The following GMNC variants were observed in gnomAD, a reference collection of about 807,000 sequenced individuals.
GMNC encodes geminin coiled-coil domain containing, also known as geminin coiled-coil domain-containing protein 1.
A neutral mutation model predicts 33.6 loss-of-function variants in GMNC; 16 were observed. The observed-to-expected ratio is 0.48, with a 90% CI of 0.32 to 0.72. The LOEUF (loss-of-function observed/expected upper bound fraction) is 0.72, where lower values mean the gene tolerates loss of function less well. Among genes scored for constraint, GMNC ranks in the 30% least tolerant of loss-of-function variants. The pLI is 0.03. For synonymous variants in GMNC, 156 were observed against 147.3 expected, an observed-to-expected ratio of 1.06 and a Z score of -0.43; for missense variants, 393 against 388.9, an observed-to-expected ratio of 1.01 and a Z score of -0.09.
the GMNC span, among the ~76,000 whole-genome samples, chr3:190,846,958 C>T: frequency 1.3e-5 from 2 of 152,206 alleles, no homozygotes; most frequent in Non-Finnish European, 2.9e-5. Context: ...TGATCTCCCT[C>T]TTCCAATGTG....
Position 190,855,651 on chromosome 3 carries a change from T to C in GMNC, c.649A>G (p.Arg217Gly). 5.2e-6 allele frequency: 8 copies of C among 1,551,596 alleles called. No homozygotes were observed. Among genetic ancestry groups the C allele is most frequent in the Non-Finnish European group, 7.0e-6 (8 of 1,146,904 alleles). The change falls in exon 5 of 5, where the codon AGA becomes GGA. Residue 217 changes from arginine (R) to glycine (G), a missense_variant. By Grantham distance (125) the Arg-to-Gly change is moderately radical. Transcript: ENST00000442080. ...TGGGAAAATGTGCTGGCGACTCTTC[T>C]GGGATGAGATGCGAGGGCACTGTAG... The part of the protein sequence containing the change: ...ANYSALASHP[R>G]RVASTFSQFP...
downstream of GMNC, among the ~76,000 whole-genome samples, chr3:190,849,734 G>A (rs1737605238): frequency 1.3e-5 from 2 of 152,174 alleles, no homozygotes; most frequent in Non-Finnish European, 1.5e-5. Context: ...TCCTGAAAAG[G>A]TATCAATTAA....
At position 190,861,900 on chromosome 3, in the gene GMNC, T is replaced by C. The variant is rs986172832; in HGVS notation, c.3+713A>G. On this transcript the variant is annotated intron_variant, in intron 1 of 4. Transcript: ENST00000442080. This position sits in a 1 kb window ranked among gnomAD's most constrained non-coding sequence, Gnocchi z 5.1. ...AGAGCCCAGCTTTGGAAAAACTCTT[T>C]TTGACTACTACAGGGCTTCTTTGGA... is the stretch of plus-strand genomic sequence containing the variant. 2.0e-5 allele frequency among the ~76,000 whole-genome samples: 3 copies of C among 152,232 alleles called. No homozygotes were observed. Among genetic ancestry groups the C allele is most frequent in the East Asian group, 1.9e-4 (1 of 5,180 alleles).
At chr3:190,844,291 A>G in the GMNC span, among the ~76,000 whole-genome samples, 2,079 of 152,068 alleles carry the variant, frequency 0.014, 34 homozygotes, top group South Asian at 0.048. Context: ...AAAAAATGTC[A>G]TCCCAAATTC....
intron 2 of GMNC, chr3:190,859,787 G>C: frequency 2.2e-6 from 1 of 453,640 alleles, no homozygotes; most frequent in Middle Eastern, 3.3e-4. Flanking sequence ...GTACAGTTTA[G>C]ACTCTTGTCC....
At position 190,862,616 on chromosome 3, in the gene GMNC, C is replaced by A. The variant is rs1165327306; in HGVS notation, c.-1G>T. ...CTAACGCCAGTTCCTCACTTACCAT[C>A]TTGCAGTGGAAGAAAGCGCTGCAGA... On this transcript the variant is annotated 5_prime_UTR_variant, in exon 1 of 5. Transcript: ENST00000442080. This position sits in a 1 kb window ranked among gnomAD's most constrained non-coding sequence, Gnocchi z 4.5. 3.9e-6 allele frequency: 6 copies of A among 1,551,910 alleles called. No homozygotes were observed. The highest frequency in any genetic ancestry group is 5.2e-6 in the Non-Finnish European group (6 of 1,146,860).
Position 190,860,804 on chromosome 3 carries a change from A to C in GMNC, c.58T>G (p.Cys20Gly), listed in dbSNP as rs527883874. 6.3e-5 allele frequency: 98 copies of C among 1,551,540 alleles called. 2 individuals carry two copies. The South Asian group carries it at 1.1e-3, about 18-fold the overall frequency. Residue 20 changes from cysteine (C) to glycine (G), a missense_variant, in exon 2 of 5, where the codon TGC becomes GGC. Cys to Gly is a radical substitution (Grantham distance 159). Transcript: ENST00000442080. The stretch of plus-strand genomic sequence containing the variant: ...TCTGACGTTGTAGTGGAATACGGGC[A>C]ATTATAGCTCTGGCCTCCTACAAAG... ...QYFVGGQSYN[C>G]PYSTTTSESS...
At chr3:190,860,531 C>T (rs1737837143) in intron 2 of GMNC, among the ~76,000 whole-genome samples, 153 bp downstream of exon 2, 1 of 152,168 alleles carries the variant, frequency 6.6e-6, no homozygotes, top group Non-Finnish European at 1.5e-5. Context: ...TGTAAAGCAG[C>T]AGGCTTTATG....
chr3:190,843,766 C>G, the GMNC span, among the ~76,000 whole-genome samples: 1 of 152,152 alleles, frequency 6.6e-6, no homozygotes, highest in African/African-American at 2.4e-5. Flanking sequence ...ATTAAGTGTA[C>G]TTTATTGCAT....
At chr3:190,845,499 T>C in the GMNC span, among the ~76,000 whole-genome samples, 1 of 148,690 alleles carries the variant, frequency 6.7e-6, no homozygotes, top group African/African-American at 2.5e-5. Context: ...TTGCTATTTA[T>C]TTTGAAACCT....
downstream of GMNC, among the ~76,000 whole-genome samples, chr3:190,849,689 G>T (rs1737604461): frequency 6.6e-6 from 1 of 152,126 alleles, no homozygotes; most frequent in African/African-American, 2.4e-5. Context: ...ACTTGGTGTA[G>T]AAATAAGAAG....
At chr3:190,847,405 C>T in the GMNC span, among the ~76,000 whole-genome samples, 1 of 152,208 alleles carries the variant, frequency 6.6e-6, no homozygotes, top group Non-Finnish European at 1.5e-5. Flanking sequence ...CTCCTAACTT[C>T]AGCTCACACT....
downstream of GMNC, among the ~76,000 whole-genome samples, chr3:190,850,727 G>A (rs1391778778): frequency 1.3e-5 from 2 of 152,162 alleles, no homozygotes; most frequent in African/African-American, 2.4e-5. Flanking sequence ...GCTGAACAAA[G>A]GAGAAAATTC....
the GMNC span, among the ~76,000 whole-genome samples, chr3:190,843,604 G>A: frequency 6.6e-6 from 1 of 152,026 alleles, no homozygotes; most frequent in Admixed American, 6.6e-5. Context: ...TTGTGTCCCA[G>A]GCTCCCTCCC....
At chr3:190,851,377 C>T (rs1389701736), downstream of GMNC, among the ~76,000 whole-genome samples, 1 of 152,194 alleles carries the variant, frequency 6.6e-6, no homozygotes, top group Non-Finnish European at 1.5e-5. Flanking sequence ...ATCTTAACAA[C>T]ATTCAATAAT....
Position 190,861,015 on chromosome 3 carries a change from T to G in GMNC, c.4-157A>C, listed in dbSNP as rs1465115578. Among the ~76,000 whole-genome samples, 1 of 152,188 alleles carries G rather than the reference T, an allele frequency of 6.6e-6. No homozygotes were observed. Among genetic ancestry groups the G allele is most frequent in the Non-Finnish European group, 1.5e-5 (1 of 68,028 alleles). On this transcript the variant is annotated intron_variant, in intron 1 of 4. Coordinates refer to ENST00000442080, the MANE Select transcript of GMNC (RefSeq NM_001146686.3). The surrounding 1 kb of genome is among the most constrained non-coding windows in gnomAD (Gnocchi z 5.1). ...GTTAAGTATAGATCCATATTAATTT[T>G]GGGGTGGTCAAATTATAATTACTAA...
At chr3:190,846,116 C>G in the GMNC span, among the ~76,000 whole-genome samples, 1 of 152,212 alleles carries the variant, frequency 6.6e-6, no homozygotes, top group South Asian at 2.1e-4. Flanking sequence ...GTGATCCCAG[C>G]TACTTGGGAG....
rs1737848153 is a variant in GMNC at position 190,860,843 on chromosome 3, A to G, written c.19T>C (p.Cys7Arg). Residue 7 changes from cysteine to arginine, a missense_variant, in exon 2 of 5, where the codon TGC (cysteine) becomes CGC (arginine). Coordinates refer to ENST00000442080, the MANE Select transcript of GMNC (RefSeq NM_001146686.3). MNTILPCQDQYFVGGQS... is the reference protein window; with the variant it reads MNTILPRQDQYFVGGQS... ...CCTCCTACAAAGTACTGGTCTTGGC[A>G]AGGCAGAATGGTGTTCTGTGAAATT... is the stretch of plus-strand genomic sequence containing the variant. The G allele has an allele frequency of 1.9e-6, 3 of 1,549,686 alleles. No homozygotes were observed. The highest frequency in any genetic ancestry group is 2.6e-6 in the Non-Finnish European group (3 of 1,145,814).
intron 2 of GMNC, 146 bp downstream of exon 2, chr3:190,860,538 T>G: frequency 1.5e-6 from 1 of 647,572 alleles, no homozygotes; most frequent in Middle Eastern, 4.3e-4. Context: ...CAGCAGGCTT[T>G]ATGACTGTAA....
Sources: allele counts gnomAD v4.1 joint callset (sites outside exome capture counted in the v4.1 genomes callset), GRCh38; gene constraint gnomAD v4.1.1; non-coding constraint Gnocchi (gnomAD v3.1); transcripts MANE v1.5; gene names NCBI Gene and HGNC (gene_info 2026-07-23, HGNC 2026-07-21).